Variants in D2HGDH observed in about 807,000 individuals in gnomAD.
D2HGDH encodes D-2-hydroxyglutarate dehydrogenase, mitochondrial.
D2HGDH carries 31 observed loss-of-function variants against 46.9 expected under a neutral mutation model. The observed-to-expected ratio is 0.66, with a 90% CI of 0.50 to 0.89. The LOEUF is 0.89. D2HGDH is among the 40% of genes least tolerant of loss of function. The probability of loss-of-function intolerance (pLI) is 0.00; values close to 1 mark genes in which losing one functional copy is unlikely to be tolerated. For synonymous variants in D2HGDH, 364 were observed against 332.6 expected, an observed-to-expected ratio of 1.09 and a Z score of -1.03; for missense variants, 698 against 720.8, an observed-to-expected ratio of 0.97 and a Z score of 0.36.
At chr2:241,744,977 C>T (rs1245773478) in intron 6 of D2HGDH, 100 bp downstream of exon 6, 1 of 1,501,408 alleles carries the variant, frequency 6.7e-7, no homozygotes, top group Non-Finnish European at 9.2e-7. Context: ...GAGGGACCCC[C>T]CGCCAAGGAC....
In D2HGDH at chr2:241,743,753, G is replaced by A. The variant is rs946410384; in HGVS notation, c.622G>A (p.Ala208Thr). 9 of 1,612,382 alleles carry A rather than the reference G, an allele frequency of 5.6e-6. No individual in the cohort carries two copies. The highest frequency in any genetic ancestry group is 1.1e-5 in the South Asian group (1 of 90,668). ...CHIGGNVATN[A>T]GGLRFLRYGS... ...CATCGGGGGAAACGTGGCAACCAAC[G>A]CTGGAGGCCTGCGGTTTCTTCGATA... The change falls in exon 5 of 10, where the codon GCT becomes ACT. Residue 208 changes from alanine (A) to threonine (T), a missense_variant. Physicochemically the swap from Ala to Thr is moderately conservative, Grantham distance 58. Coordinates refer to ENST00000321264, the MANE Select transcript of D2HGDH (RefSeq NM_152783.5). This position sits in a 1 kb window ranked among gnomAD's most constrained non-coding sequence, Gnocchi z 4.8.
chr2:241,743,146 G>T lies in D2HGDH; in HGVS notation c.491-476G>T, dbSNP rs141614743. The stretch of plus-strand genomic sequence containing the variant: ...AGGGGATCCTGACCCAGGGCGCCAG[G>T]GTCCTGCTCTGGAGCTGGGCCTCTC... On this transcript the variant is annotated intron_variant, in intron 4 of 9. Coordinates refer to ENST00000321264, the MANE Select transcript of D2HGDH (RefSeq NM_152783.5). The surrounding 1 kb of genome is among the most constrained non-coding windows in gnomAD (Gnocchi z 4.8). Among the ~76,000 whole-genome samples, 1 of 151,596 alleles carries T rather than the reference G, an allele frequency of 6.6e-6. No individual in the cohort carries two copies. The highest frequency in any genetic ancestry group is 2.4e-5 in the African/African-American group (1 of 41,040).
Position 241,756,719 on chromosome 2 carries a change from G to A in D2HGDH, c.1306+705G>A, listed in dbSNP as rs1698225304. On this transcript the variant is annotated intron_variant, in intron 9 of 9. Coordinates refer to ENST00000321264, the MANE Select transcript of D2HGDH (RefSeq NM_152783.5). ...GTATTTTTAGTAGAGACAGGGTTTT[G>A]CCATGTTGGCCAGGCTGGTCTTGAA... 2.0e-5 allele frequency among the ~76,000 whole-genome samples: 3 copies of A among 152,120 alleles called. 1 individual carries two copies. Among genetic ancestry groups the A allele is most frequent in the Admixed American group, 2.0e-4 (3 of 15,280 alleles).
chr2:241,767,700 G>A lies in D2HGDH; in HGVS notation c.1307-10G>A. 2 of 1,612,630 alleles carry A rather than the reference G, an allele frequency of 1.2e-6. No individual in the cohort carries two copies. The highest frequency in any genetic ancestry group is 1.7e-6 in the Non-Finnish European group (2 of 1,179,496). ...TGCCCAGCCTGACCCATGTGCCCTT[G>A]TCCCTCCAGGAGATGGTAACCTGCA... is the stretch of plus-strand genomic sequence containing the variant. On this transcript the variant is annotated splice_polypyrimidine_tract_variant and intron_variant, in intron 9 of 9. Coordinates refer to ENST00000321264, the MANE Select transcript of D2HGDH (RefSeq NM_152783.5).
At chr2:241,756,639 A>C (rs1450497307) in intron 9 of D2HGDH, among the ~76,000 whole-genome samples, 1 of 152,118 alleles carries the variant, frequency 6.6e-6, no homozygotes, top group Non-Finnish European at 1.5e-5. Flanking sequence ...CTCCTGCCCC[A>C]GCCTCCCGAG....
chr2:241,735,209 C>T lies in D2HGDH; in HGVS notation c.-16C>T. 6.6e-7 allele frequency: 1 copy of T among 1,506,696 alleles called. No individual in the cohort carries two copies. The highest frequency in any genetic ancestry group is 8.8e-7 in the Non-Finnish European group (1 of 1,136,100). 93.3% of individuals were successfully genotyped at this position (1,506,696 alleles called of 1,614,324 possible). On this transcript the variant is annotated 5_prime_UTR_variant, in exon 2 of 10. Transcript: ENST00000321264. Reference sequence around the variant, plus strand: ...CCCCCACCAAGGAGGAGCCCGAGGTCTCCGTCCCGGCGGCGATGCTGCCCC... The same window carrying T: ...CCCCCACCAAGGAGGAGCCCGAGGTTTCCGTCCCGGCGGCGATGCTGCCCC...
At chr2:241,762,154 G>A (rs938257250) in intron 9 of D2HGDH, among the ~76,000 whole-genome samples, 3 of 140,682 alleles carry the variant, frequency 2.1e-5, no homozygotes, top group African/African-American at 8.1e-5. Context: ...TCACTGCAAC[G>A]TCCGCCTCCC....
intron 9 of D2HGDH, among the ~76,000 whole-genome samples, chr2:241,765,295 G>T (rs1018771871): frequency 1.0e-4 from 15 of 149,424 alleles, no homozygotes; most frequent in Admixed American, 4.7e-4. Context: ...AGTAGGAAGA[G>T]GGGGGAGAAC....
At chr2:241,736,560 C>T (rs1692881476) in intron 2 of D2HGDH, among the ~76,000 whole-genome samples, 3 of 152,176 alleles carry the variant, frequency 2.0e-5, no homozygotes, top group Admixed American at 6.5e-5. Context: ...TGTGACTCTT[C>T]TCCAGTTGTC....
intron 2 of D2HGDH, 59 bp from the exon 3 acceptor site, chr2:241,740,974 C>G (rs1049323245): frequency 2.0e-5 from 29 of 1,429,568 alleles, no homozygotes; most frequent in African/African-American, 2.8e-5. Context: ...GGCGAGTGAC[C>G]ACTTGCCTCA....
intron 8 of D2HGDH, among the ~76,000 whole-genome samples, chr2:241,754,175 C>A (rs1575305038): frequency 6.6e-6 from 1 of 152,180 alleles, no homozygotes; most frequent in Admixed American, 6.5e-5. Context: ...ATGGGGCGGC[C>A]GGTCTGATGA....
At chr2:241,740,941 A>G in intron 2 of D2HGDH, 92 bp from the exon 3 acceptor site, 1 of 764,444 alleles carries the variant, frequency 1.3e-6, no homozygotes. Flanking sequence ...GTCCGTCTCC[A>G]AAAAAAAAAA....
intron 9 of D2HGDH, among the ~76,000 whole-genome samples, chr2:241,761,836 G>A (rs1323753500): frequency 6.6e-6 from 1 of 152,026 alleles, no homozygotes; most frequent in Non-Finnish European, 1.5e-5. Context: ...ATAGGTGACG[G>A]AACAGCTCAG....
rs1400203849 is a variant in D2HGDH, at chr2:241,735,370, G to A, written c.146G>A (p.Arg49Gln). Residue 49 changes from arginine (R) to glutamine (Q), a missense_variant, in exon 2 of 10, where the codon CGG becomes CAG. Coordinates refer to ENST00000321264, the MANE Select transcript of D2HGDH (RefSeq NM_152783.5). ...GGGACCCCCGAGGTGCCGCTGACCC[G>A]GGAGCGCTACCCCGTGCGGCGCTTG... Reference protein sequence around the residue: ...APGTPEVPLTRERYPVRRLPF... With the variant: ...APGTPEVPLTQERYPVRRLPF... 1 of 1,576,512 alleles carries A rather than the reference G, an allele frequency of 6.3e-7. No individual in the cohort carries two copies. The highest frequency in any genetic ancestry group is 1.9e-5 in the Admixed American group (1 of 52,988).
chr2:241,739,103 C>T (rs376613897), intron 2 of D2HGDH, among the ~76,000 whole-genome samples: 15 of 152,374 alleles, frequency 9.8e-5, no homozygotes, highest in African/African-American at 3.4e-4. Context: ...GGCCTTGCCC[C>T]CATGGCCCCC....
intron 9 of D2HGDH, among the ~76,000 whole-genome samples, chr2:241,761,541 G>C (rs1403777426): frequency 2.6e-5 from 4 of 151,926 alleles, no homozygotes; most frequent in Non-Finnish European, 5.9e-5. Context: ...TCCGTCTCAA[G>C]AAAGAAAAGT....
rs953273594 is a variant in D2HGDH, at chr2:241,744,424, G to A, written c.685-285G>A. On this transcript the variant is annotated intron_variant, in intron 5 of 9. Coordinates refer to ENST00000321264, the MANE Select transcript of D2HGDH (RefSeq NM_152783.5). ...CAGGACTCGGAGAGGCCCACAGCTCGGGAGCTTTGATGCCTTATGGCTGGT... is the reference window on the plus strand; with the variant it reads ...CAGGACTCGGAGAGGCCCACAGCTCAGGAGCTTTGATGCCTTATGGCTGGT... 4.6e-5 allele frequency among the ~76,000 whole-genome samples: 7 copies of A among 152,190 alleles called. No homozygotes were observed. The East Asian group carries it at 5.8e-4, about 13-fold the overall frequency.
intron 6 of D2HGDH, among the ~76,000 whole-genome samples, chr2:241,748,057 G>A (rs1201231915): frequency 2.0e-5 from 3 of 152,148 alleles, no homozygotes; most frequent in South Asian, 2.1e-4. Flanking sequence ...GGCCAACAGC[G>A]TTGACTTGGT....
intron 9 of D2HGDH, among the ~76,000 whole-genome samples, chr2:241,758,767 ATATGTGTGTGTG>A (rs1271563036): frequency 1.7e-3 from 177 of 106,226 alleles, no homozygotes; most frequent in Middle Eastern, 4.7e-3. Flanking sequence ...GCCCCACAAT[ATATGTGTGTGTG>A]TGTGTGTGTG....
Sources: gnomAD v4.1 joint callset for allele counts (sites outside exome capture counted in the v4.1 genomes callset) on GRCh38, gnomAD v4.1.1 for gene constraint, Gnocchi (gnomAD v3.1) non-coding constraint, MANE v1.5 for transcripts, NCBI Gene and HGNC (gene_info 2026-07-23, HGNC 2026-07-21) for gene names.